The following FAM118B variants were observed in gnomAD, a reference collection of about 807,000 sequenced individuals.
FAM118B encodes the protein SIR2 antiphage like 1.
Under a neutral mutation model 38.5 loss-of-function variants are expected in FAM118B, and 24 were observed. The observed-to-expected ratio is 0.62, with a 90% CI of 0.45 to 0.88. The LOEUF is 0.88. Ranked by LOEUF, FAM118B falls within the 40% of genes least tolerant of loss-of-function variation. The pLI, the probability that FAM118B is intolerant of heterozygous loss-of-function variation, is 0.00. For missense variants in FAM118B, 334 were observed against 420.0 expected, an observed-to-expected ratio of 0.80 and a Z score of 1.79; for synonymous variants, 138 against 156.3, an observed-to-expected ratio of 0.88 and a Z score of 0.87.
At chr11:126,213,445 C>T (rs1949919982) in intron 1 of FAM118B, among the ~76,000 whole-genome samples, 1 of 152,128 alleles carries the variant, frequency 6.6e-6, no homozygotes, top group Non-Finnish European at 1.5e-5. Context: ...ACCAGTAAGA[C>T]AGAGGTCTAT....
At chr11:126,237,083 A>C (rs535661672) in intron 3 of FAM118B, among the ~76,000 whole-genome samples, 87 of 148,414 alleles carry the variant, frequency 5.9e-4, no homozygotes, top group African/African-American at 2.1e-3. Flanking sequence ...TGCCCGGCTA[A>C]TTTTTTGTAT....
chr11:126,249,987 A>G (rs937977015), intron 4 of FAM118B, among the ~76,000 whole-genome samples: 7 of 152,070 alleles, frequency 4.6e-5, no homozygotes, highest in African/African-American at 1.4e-4. Flanking sequence ...AAGCTTACGT[A>G]TAGTAGCACT....
chr11:126,260,239 C>A (rs969417160), intron 7 of FAM118B, among the ~76,000 whole-genome samples: 1 of 151,668 alleles, frequency 6.6e-6, no homozygotes, highest in Non-Finnish European at 1.5e-5. Flanking sequence ...CGCCATGTTG[C>A]CCAGGCTGTT....
chr11:126,234,635 G>A (rs1300881720), intron 2 of FAM118B, among the ~76,000 whole-genome samples: 2 of 152,096 alleles, frequency 1.3e-5, no homozygotes, highest in African/African-American at 2.4e-5. Flanking sequence ...TGAGTCTTCC[G>A]CAAACCCATC....
rs1950714833 is a variant in FAM118B, at chr11:126,262,157, T to TAA, written c.*24_*25insAA. ...GAGCGAGCTAGAGAAATCACCACCG[T>TAA]TTAGACCAAGCTGTAAGGCCCTACT... On this transcript the variant is annotated 3_prime_UTR_variant, in exon 9 of 9. Coordinates refer to ENST00000533050, the MANE Select transcript of FAM118B (RefSeq NM_024556.4). 6.2e-7 allele frequency: 1 copy of TAA among 1,613,300 alleles called. No individual in the cohort carries two copies. Among genetic ancestry groups the TAA allele is most frequent in the Non-Finnish European group, 8.5e-7 (1 of 1,179,318 alleles).
chr11:126,225,307 C>G (rs1950126131), intron 1 of FAM118B, among the ~76,000 whole-genome samples: 1 of 152,164 alleles, frequency 6.6e-6, no homozygotes, highest in South Asian at 2.1e-4. Flanking sequence ...TCCATTTGTT[C>G]CCTAAGTTTC....
In FAM118B at chr11:126,224,463, G is replaced by A. The variant is rs1032557341; in HGVS notation, c.-76-4762G>A. ...CATGTTCCAGCCTGGGTGACAGAGC[G>A]AGACCCTGTCTCAAAAAAAAAAAAA... On this transcript the variant is annotated intron_variant, in intron 1 of 8. Coordinates refer to ENST00000533050, the MANE Select transcript of FAM118B (RefSeq NM_024556.4). Among the ~76,000 whole-genome samples the A allele has an allele frequency of 4.2e-5, 5 of 119,222 alleles. No homozygotes were observed. In the East Asian group the frequency reaches 7.7e-4, roughly 18 times the overall value. The allele number at this position is 119,222 out of a possible 152,430, so 78.2% of individuals were successfully genotyped here. A position where few individuals can be genotyped will look rare whatever the true frequency, so the allele number is the denominator to read the frequency against.
chr11:126,237,010 G>A (rs570464682), intron 3 of FAM118B, among the ~76,000 whole-genome samples: 1 of 147,784 alleles, frequency 6.8e-6, no homozygotes, highest in African/African-American at 2.5e-5. Flanking sequence ...TCTGCCTCCC[G>A]GGTTCACACC....
At chr11:126,227,589 T>G (rs1291793916) in intron 1 of FAM118B, among the ~76,000 whole-genome samples, 1 of 152,168 alleles carries the variant, frequency 6.6e-6, no homozygotes, top group Non-Finnish European at 1.5e-5. Context: ...TTATTTTCCT[T>G]TTAATTCTAA....
chr11:126,251,277 A>G (rs1219049740), intron 5 of FAM118B, among the ~76,000 whole-genome samples: 1 of 152,240 alleles, frequency 6.6e-6, no homozygotes, highest in African/African-American at 2.4e-5. Flanking sequence ...ATGAGTTCTT[A>G]AAGTCTCATT....
In FAM118B at chr11:126,244,697, G is replaced by C. The variant is rs865843341; in HGVS notation, c.339+3653G>C. On this transcript the variant is annotated intron_variant, in intron 4 of 8. Transcript: ENST00000533050. This position sits in a 1 kb window ranked among gnomAD's most constrained non-coding sequence, Gnocchi z 4.5. ...CGGGTGCCTATAATCCCAGCTACTC[G>C]GGAGGTGGAGGCAGGAGAATCACTT... Among the ~76,000 whole-genome samples the C allele has an allele frequency of 6.6e-6, 1 of 152,100 alleles. No homozygotes were observed. Among genetic ancestry groups the C allele is most frequent in the Non-Finnish European group, 1.5e-5 (1 of 68,026 alleles).
chr11:126,233,633 T>G, intron 2 of FAM118B: 2 of 426,872 alleles, frequency 4.7e-6, no homozygotes, highest in South Asian at 3.4e-5. Flanking sequence ...ATGATCTACT[T>G]CCTAACTCAC....
Position 126,244,001 on chromosome 11 carries a change from A to G in FAM118B, c.339+2957A>G, listed in dbSNP as rs556345236. On this transcript the variant is annotated intron_variant, in intron 4 of 8. Coordinates refer to ENST00000533050, the MANE Select transcript of FAM118B (RefSeq NM_024556.4). The surrounding 1 kb of genome is among the most constrained non-coding windows in gnomAD (Gnocchi z 4.5). ...TTTTCTCAGTAGGTGCAGAAAAAACATGTTAGCAAAATGCAACACTCTTTC... is the reference window on the plus strand; with the variant it reads ...TTTTCTCAGTAGGTGCAGAAAAAACGTGTTAGCAAAATGCAACACTCTTTC... Among the ~76,000 whole-genome samples the G allele has an allele frequency of 6.6e-6, 1 of 152,322 alleles. No homozygotes were observed. Among genetic ancestry groups the G allele is most frequent in the African/African-American group, 2.4e-5 (1 of 41,566 alleles).
chr11:126,232,314 A>G (rs1439902580), intron 2 of FAM118B, among the ~76,000 whole-genome samples: 1 of 152,194 alleles, frequency 6.6e-6, no homozygotes, highest in African/African-American at 2.4e-5. Context: ...TGGTTTGAAT[A>G]CTGGTACTAC....
At chr11:126,251,134 C>A (rs569714933) in intron 5 of FAM118B, among the ~76,000 whole-genome samples, 56 of 152,170 alleles carry the variant, frequency 3.7e-4, no homozygotes, top group Non-Finnish European at 1.5e-4. Flanking sequence ...GGAAGAACAA[C>A]TTCCAGGCCA....
At chr11:126,224,111 A>C (rs1471952199) in intron 1 of FAM118B, among the ~76,000 whole-genome samples, 1 of 152,186 alleles carries the variant, frequency 6.6e-6, no homozygotes, top group Non-Finnish European at 1.5e-5. Context: ...CTATATCCAT[A>C]AACTAAACAG....
intron 3 of FAM118B, among the ~76,000 whole-genome samples, chr11:126,236,437 A>T (rs1260647226): frequency 1.3e-5 from 2 of 152,000 alleles, no homozygotes; most frequent in Non-Finnish European, 2.9e-5. Context: ...AATCCTTTGT[A>T]TTGTATGACC....
chr11:126,220,619 A>G (rs989421060), intron 1 of FAM118B, among the ~76,000 whole-genome samples: 1 of 152,012 alleles, frequency 6.6e-6, no homozygotes, highest in African/African-American at 2.4e-5. Context: ...GGAGGCTGAG[A>G]TAGGAGGATC....
At chr11:126,233,843 G>A (rs745381000) in intron 2 of FAM118B, 35 of 415,802 alleles carry the variant, frequency 8.4e-5, no homozygotes, top group Non-Finnish European at 1.5e-4. Context: ...AACATTTTGG[G>A]AGGCCAAGGC....
Sources: allele counts gnomAD v4.1 joint callset (sites outside exome capture counted in the v4.1 genomes callset), GRCh38; gene constraint gnomAD v4.1.1; non-coding constraint Gnocchi (gnomAD v3.1); transcripts MANE v1.5; gene names NCBI Gene and HGNC (gene_info 2026-07-23, HGNC 2026-07-21).